The following FBXO10 variants were observed in gnomAD, a reference collection of about 807,000 sequenced individuals.
FBXO10 encodes the protein F-box only protein 10.
In FBXO10, 39 loss-of-function variants were observed where a neutral mutation model predicts 80.7. The ratio of observed to expected loss-of-function variants is 0.48; its 90% CI spans 0.37 to 0.63. The LOEUF (loss-of-function observed/expected upper bound fraction) is 0.63. Among genes scored for constraint, FBXO10 ranks in the 30% least tolerant of loss-of-function variants. The pLI is 0.00. For missense variants in FBXO10, 1,025 were observed against 1,269.0 expected (o/e 0.81, Z 2.92); for synonymous variants, 449 against 489.6 (o/e 0.92, Z 1.09).
At chr9:37,522,629 G>T in intron 7 of FBXO10, 196 bp downstream of exon 7, 2 of 1,220,368 alleles carry the variant, frequency 1.6e-6, no homozygotes, top group East Asian at 2.6e-5. Flanking sequence ...AACCCCACGG[G>T]GTCAATCTGG....
intron 3 of FBXO10, chr9:37,536,067 A>G (rs1821758284): frequency 6.6e-6 from 1 of 152,138 alleles, no homozygotes; most frequent in Admixed American, 6.5e-5. Context: ...AAGTAACATC[A>G]CCTGAAATCC....
intron 10 of FBXO10, 37 bp downstream of exon 10, chr9:37,515,867 C>A: frequency 6.3e-7 from 1 of 1,597,076 alleles, no homozygotes; most frequent in South Asian, 1.1e-5. Context: ...CTTACTGTGG[C>A]TCTAGAGGAC....
rs1212654177 is a variant in FBXO10 at position 37,521,767 on chromosome 9, T to C, written c.2002A>G (p.Asn668Asp). Residue 668 changes from asparagine to aspartate, a missense_variant, in exon 8 of 11, where the codon AAT (asparagine) becomes GAT (aspartate). By Grantham distance (23) the Asn-to-Asp change is conservative. Coordinates refer to ENST00000432825, the MANE Select transcript of FBXO10 (RefSeq NM_012166.3). The stretch of plus-strand genomic sequence containing the variant: ...AATACTGCCACTCCATACAGGCCAT[T>C]GTAGCTGACGTGGTTGCTGGTGACA... The part of the protein sequence containing the change: ...PHVTSNHVSY[N>D]GLYGVAVFSQ... 7 of 1,612,072 alleles carry C rather than the reference T, an allele frequency of 4.3e-6. No homozygotes were observed. Among genetic ancestry groups the C allele is most frequent in the African/African-American group, 1.3e-5 (1 of 74,918 alleles).
rs1169370320 is a variant in FBXO10 at position 37,521,815 on chromosome 9, T to C, written c.1954A>G (p.Met652Val). 4 of 1,598,196 alleles carry C rather than the reference T, an allele frequency of 2.5e-6. No homozygotes were observed. The highest frequency in any genetic ancestry group is 3.4e-6 in the Non-Finnish European group (4 of 1,175,964). ...IYANKGCGVW[M>V]MSSSLPHVTS... ...ACATGGGGGAGGCTGGACGACATCA[T>C]CCACACACCACAGCCCTTGTTAGCT... The change falls in exon 8 of 11, where the codon ATG becomes GTG. Residue 652 changes from methionine (M) to valine (V), a missense_variant. This residue lies in a region of FBXO10 where 478 missense variants were observed against 667.8 expected (regional missense o/e 0.72). Coordinates refer to ENST00000432825, the MANE Select transcript of FBXO10 (RefSeq NM_012166.3).
At chr9:37,526,397 A>G (rs1331146979) in intron 5 of FBXO10, among the ~76,000 whole-genome samples, 1 of 152,206 alleles carries the variant, frequency 6.6e-6, no homozygotes, top group Admixed American at 6.5e-5. Flanking sequence ...AAAGGAAAAA[A>G]GCACAACCTA....
chr9:37,519,656 C>T (rs2119056514), intron 8 of FBXO10, among the ~76,000 whole-genome samples: 1 of 152,290 alleles, frequency 6.6e-6, no homozygotes, highest in Admixed American at 6.5e-5. Context: ...GGTGGCTTTG[C>T]CTGTCGTACC....
chr9:37,550,676 C>G (rs1042889162), intron 1 of FBXO10, among the ~76,000 whole-genome samples: 2 of 149,936 alleles, frequency 1.3e-5, no homozygotes, highest in African/African-American at 4.9e-5. Flanking sequence ...ATGGGGTTTA[C>G]CCATGTTGGC....
chr9:37,542,596 CAAAAAA>C (rs34458549), intron 1 of FBXO10, among the ~76,000 whole-genome samples: 1 of 126,218 alleles, frequency 7.9e-6, no homozygotes, highest in African/African-American at 3.1e-5. Flanking sequence ...ATCTCCATCT[CAAAAAA>C]AAAAAAAAAA....
chr9:37,574,266 G>A (rs1042205090), intron 1 of FBXO10, among the ~76,000 whole-genome samples: 1 of 152,100 alleles, frequency 6.6e-6, no homozygotes, highest in Non-Finnish European at 1.5e-5. Flanking sequence ...ACCAATGCAC[G>A]TTTATTGAAG....
At position 37,520,868 on chromosome 9, in the gene FBXO10, G is replaced by A. The variant is rs368327384; in HGVS notation, c.2200+701C>T. On this transcript the variant is annotated intron_variant, in intron 8 of 10. Transcript: ENST00000432825. ...CTGCAGGGACAGGGGCACTGAGCTG[G>A]GTGGGCTTCAGTTCTTTGTCTCAAG... Among the ~76,000 whole-genome samples the A allele has an allele frequency of 3.5e-3, 537 of 152,276 alleles. 4 individuals carry two copies. The highest frequency in any genetic ancestry group is 0.012 in the African/African-American group (503 of 41,546).
intron 1 of FBXO10, among the ~76,000 whole-genome samples, chr9:37,550,763 C>T (rs1190249421): frequency 6.6e-6 from 1 of 152,154 alleles, no homozygotes; most frequent in Non-Finnish European, 1.5e-5. Flanking sequence ...ATAGGCACCA[C>T]ACCCAGCCTA....
chr9:37,531,394 C>T (rs1419495311), intron 4 of FBXO10, among the ~76,000 whole-genome samples: 1 of 152,146 alleles, frequency 6.6e-6, no homozygotes, highest in Non-Finnish European at 1.5e-5. Context: ...GCTGGTCTCT[C>T]GTGTCACTGG....
intron 1 of FBXO10, among the ~76,000 whole-genome samples, chr9:37,568,777 T>C (rs758711995): frequency 1.4e-3 from 208 of 152,314 alleles, no homozygotes; most frequent in Non-Finnish European, 1.4e-3. Context: ...AAGGTCGCTG[T>C]ACTGTCTGTC....
chr9:37,545,367 C>T (rs761009229), intron 1 of FBXO10, among the ~76,000 whole-genome samples: 49 of 152,048 alleles, frequency 3.2e-4, no homozygotes, highest in Non-Finnish European at 6.5e-4. Context: ...TTAGTAGAGA[C>T]GGGGTTTCAC....
At chr9:37,560,583 C>T (rs757932157) in intron 1 of FBXO10, among the ~76,000 whole-genome samples, 5 of 152,124 alleles carry the variant, frequency 3.3e-5, no homozygotes, top group Admixed American at 6.5e-5. Context: ...TTACACTAAT[C>T]CATGGAGATT....
At chr9:37,566,505 A>G (rs1265321115) in intron 1 of FBXO10, among the ~76,000 whole-genome samples, 3 of 151,958 alleles carry the variant, frequency 2.0e-5, no homozygotes, top group African/African-American at 7.3e-5. Context: ...GGCTGCTCAG[A>G]ACCCTATTTA....
At position 37,537,886 on chromosome 9, in the gene FBXO10, C is replaced by T. The variant is rs1821814848; in HGVS notation, c.643G>A (p.Val215Ile). Residue 215 changes from valine (V) to isoleucine (I), a missense_variant, in exon 3 of 11, where the codon GTC becomes ATC. Coordinates refer to ENST00000432825, the MANE Select transcript of FBXO10 (RefSeq NM_012166.3). The part of the protein sequence containing the change: ...NCNFENGHIQ[V>I]HGPGTCQVKF... ...ACTTGGCAAGTACCCGGGCCATGGA[C>T]CTGGATGTGCCCGTTCTCAAAGTTG... 10 of 1,613,906 alleles carry T rather than the reference C, an allele frequency of 6.2e-6. No homozygotes were observed. Among genetic ancestry groups the T allele is most frequent in the Non-Finnish European group, 7.6e-6 (9 of 1,179,888 alleles).
chr9:37,539,111 G>T (rs1419356002), intron 2 of FBXO10, among the ~76,000 whole-genome samples: 1 of 152,174 alleles, frequency 6.6e-6, no homozygotes, highest in Non-Finnish European at 1.5e-5. Context: ...AGTATCTCAT[G>T]ATTCCATTTA....
intron 1 of FBXO10, among the ~76,000 whole-genome samples, chr9:37,544,006 C>T (rs1219179153): frequency 6.6e-6 from 1 of 152,202 alleles, no homozygotes; most frequent in East Asian, 1.9e-4. Context: ...GTGGCTCGTG[C>T]CTGTAATCCC....
Sources: allele counts gnomAD v4.1 joint callset (sites outside exome capture counted in the v4.1 genomes callset), GRCh38; gene constraint gnomAD v4.1.1; regional missense constraint gnomAD v4.1.1; transcripts MANE v1.5; gene names NCBI Gene and HGNC (gene_info 2026-07-23, HGNC 2026-07-21).